The following CES5A variants were observed in gnomAD, a reference collection of about 807,000 sequenced individuals.
The protein encoded by CES5A is carboxylesterase 5A.
CES5A carries 67 observed loss-of-function variants against 62.9 expected under a neutral mutation model. The observed-to-expected ratio is 1.07, with a 90% confidence interval of 0.88 to 1.31. The LOEUF is 1.31. Ranked by LOEUF, CES5A falls within the 50% of genes most tolerant of loss-of-function variation. CES5A has a pLI of 0.00. For missense variants in CES5A, 748 were observed against 708.5 expected, an observed-to-expected ratio of 1.06 and a Z score of -0.63; for synonymous variants, 296 against 280.8, an observed-to-expected ratio of 1.05 and a Z score of -0.54.
At chr16:55,914,495 G>A (rs1597148121) in intron 1 of CES5A, among the ~76,000 whole-genome samples, 2 of 152,276 alleles carry the variant, frequency 1.3e-5, no homozygotes, top group East Asian at 1.9e-4. Flanking sequence ...GGGGATGAAG[G>A]AAATCTAAAG....
chr16:55,870,636 C>T (rs541172254), intron 3 of CES5A, among the ~76,000 whole-genome samples: 7 of 151,958 alleles, frequency 4.6e-5, no homozygotes, highest in African/African-American at 1.5e-4. Flanking sequence ...TGGCAAAGGT[C>T]GCAGTGAGCC....
rs555388377 is a variant in CES5A at position 55,937,414 on chromosome 16, G to A, written c.160+12371C>T. ...AAGCAGTGAGGCAGGCTTACCTAAA[G>A]GCCTCCATCCTGAAGTGACATGTGA... On this transcript the variant is annotated intron_variant, in intron 2 of 13. Transcript: ENST00000521992. Among the ~76,000 whole-genome samples the A allele has an allele frequency of 8.5e-5, 13 of 152,302 alleles. No homozygotes were observed. The South Asian group carries it at 1.2e-3, about 15-fold the overall frequency.
chr16:55,850,502 T>C (rs114315979), intron 10 of CES5A, among the ~76,000 whole-genome samples: 384 of 152,324 alleles, frequency 2.5e-3, no homozygotes, highest in South Asian at 0.023. Flanking sequence ...GCCTGACTTC[T>C]TTCACTTAGC....
intron 1 of CES5A, among the ~76,000 whole-genome samples, chr16:55,880,682 G>A (rs574392105): frequency 2.0e-5 from 3 of 152,162 alleles, no homozygotes; most frequent in Non-Finnish European, 2.9e-5. Flanking sequence ...TCAGAGGAGT[G>A]GGCTGCACTG....
At chr16:55,892,433 G>T (rs1053659662) in intron 1 of CES5A, among the ~76,000 whole-genome samples, 2 of 152,006 alleles carry the variant, frequency 1.3e-5, no homozygotes, top group African/African-American at 4.8e-5. Flanking sequence ...CACAGGCCAT[G>T]GTCACTCATT....
At chr16:55,883,650 T>A (rs192933288) in intron 1 of CES5A, among the ~76,000 whole-genome samples, 3 of 152,214 alleles carry the variant, frequency 2.0e-5, no homozygotes, top group Non-Finnish European at 4.4e-5. Context: ...ATATTGTTTT[T>A]TCTTTACTAA....
At chr16:55,908,106 C>T (rs2034056620) in intron 1 of CES5A, among the ~76,000 whole-genome samples, 2 of 152,172 alleles carry the variant, frequency 1.3e-5, no homozygotes, top group Admixed American at 1.3e-4. Flanking sequence ...CCTCCTTCCC[C>T]TGCCCTGTCT....
Position 55,866,779 on chromosome 16 carries a change from A to C in CES5A, c.552-663T>G, listed in dbSNP as rs569024369. Among the ~76,000 whole-genome samples, 395 of 152,042 alleles carry C rather than the reference A, an allele frequency of 2.6e-3. 1 individual carries two copies. Among genetic ancestry groups the C allele is most frequent in the African/African-American group, 9.3e-3 (385 of 41,480 alleles). The stretch of plus-strand genomic sequence containing the variant: ...CTTGACCCCGGGAGGCGGAGCTTGC[A>C]GTGAGCTGAGATCATGCCACTGCAC... On this transcript the variant is annotated intron_variant, in intron 4 of 12. Transcript: ENST00000290567.
intron 7 of CES5A, 54 bp from the exon 8 acceptor site, chr16:55,859,741 C>A: frequency 6.5e-7 from 1 of 1,543,722 alleles, no homozygotes; most frequent in Non-Finnish European, 8.8e-7. Flanking sequence ...TTTCTGTTCA[C>A]AAAATCTGCT....
chr16:55,871,068 C>T lies in CES5A; in HGVS notation c.417+557G>A, dbSNP rs1006271126. Among the ~76,000 whole-genome samples, 32 of 152,176 alleles carry T rather than the reference C, an allele frequency of 2.1e-4. 1 individual carries two copies. Among genetic ancestry groups the T allele is most frequent in the Admixed American group, 1.8e-3 (28 of 15,282 alleles). On this transcript the variant is annotated intron_variant, in intron 3 of 12. Transcript: ENST00000290567. ...CAGATCATGTACTGTGCCTGGCACA[C>T]AGCAAGCATTTAATAGACATTACTG...
At chr16:55,953,125 T>C (rs188611103) in intron 1 of CES5A, among the ~76,000 whole-genome samples, 5 of 152,318 alleles carry the variant, frequency 3.3e-5, no homozygotes, top group Admixed American at 3.3e-4. Context: ...CAATAGATAC[T>C]GTCAACTGAT....
intron 3 of CES5A, among the ~76,000 whole-genome samples, chr16:55,871,268 A>G (rs887501143): frequency 1.3e-5 from 2 of 152,240 alleles, no homozygotes; most frequent in Non-Finnish European, 2.9e-5. Context: ...TATAAACAGA[A>G]AAGTTGGAGG....
In CES5A at chr16:55,856,424, T is replaced by G; in HGVS notation, c.1078A>C (p.Ser360Arg). 1.2e-6 allele frequency: 2 copies of G among 1,614,118 alleles called. No homozygotes were observed. Among genetic ancestry groups the G allele is most frequent in the Non-Finnish European group, 1.7e-6 (2 of 1,180,000 alleles). ...LPMKEAPEIL[S>R]GSNKSLALHL... is the part of the protein sequence containing the mutation. ...AGGGCAAGGGACTTGTTGGAGCCAC[T>G]GAGGATCTCAGGAGCCTCCTTCTGT... The change falls in exon 9 of 13, where the codon AGT becomes CGT. Residue 360 changes from serine (S) to arginine (R), a missense_variant. By Grantham distance (110) the Ser-to-Arg change is moderately radical. Transcript: ENST00000290567.
upstream of CES5A, among the ~76,000 whole-genome samples, chr16:55,878,806 C>A (rs1258140294): frequency 6.7e-6 from 1 of 148,632 alleles, no homozygotes; most frequent in African/African-American, 2.5e-5. Context: ...CTGTACCCTA[C>A]CACTGCACTC....
intron 1 of CES5A, among the ~76,000 whole-genome samples, chr16:55,880,591 G>T (rs2033751699): frequency 6.6e-6 from 1 of 152,166 alleles, no homozygotes; most frequent in Admixed American, 6.5e-5. Flanking sequence ...CAGACCCTCA[G>T]TGAGATTCTG....
At chr16:55,913,539 A>G (rs1447315225) in intron 1 of CES5A, among the ~76,000 whole-genome samples, 3 of 152,172 alleles carry the variant, frequency 2.0e-5, no homozygotes, top group Non-Finnish European at 4.4e-5. Flanking sequence ...GCTATTATCT[A>G]TTTTGTTTCA....
chr16:55,907,572 A>G (rs17266087), intron 1 of CES5A, among the ~76,000 whole-genome samples: 22,083 of 152,270 alleles, frequency 0.15, 1,728 homozygotes, highest in Non-Finnish European at 0.18. Context: ...AATGTCTCAA[A>G]AAAGCATGCA....
chr16:55,867,766 G>T (rs2033494869), intron 4 of CES5A, among the ~76,000 whole-genome samples: 1 of 152,190 alleles, frequency 6.6e-6, no homozygotes, highest in Non-Finnish European at 1.5e-5. Flanking sequence ...AACCTGCTTT[G>T]CCTCAATGCT....
At chr16:55,936,007 TG>T (rs1465455567) in intron 2 of CES5A, among the ~76,000 whole-genome samples, 3 of 152,188 alleles carry the variant, frequency 2.0e-5, no homozygotes, top group African/African-American at 7.2e-5. Context: ...AATCTGTAGA[TG>T]GGTCTTTAAC....
Sources: allele counts gnomAD v4.1 joint callset (sites outside exome capture counted in the v4.1 genomes callset), GRCh38; gene constraint gnomAD v4.1.1; transcripts MANE v1.5; gene names NCBI Gene and HGNC (gene_info 2026-07-23, HGNC 2026-07-21).